The following GET4 variants were observed in gnomAD, a reference collection of about 807,000 sequenced individuals.
GET4 encodes Golgi to ER traffic protein 4 homolog.
A neutral mutation model predicts 40.0 loss-of-function variants in GET4; 20 were observed. The ratio of observed to expected loss-of-function variants is 0.50; its 90% CI spans 0.35 to 0.73. GET4 has a LOEUF of 0.73. Among genes scored for constraint, GET4 ranks in the 30% least tolerant of loss-of-function variants. The pLI is 0.01. For missense variants in GET4, 557 were observed against 454.0 expected, an observed-to-expected ratio of 1.23 and a Z score of -2.06; for synonymous variants, 280 against 194.6, an observed-to-expected ratio of 1.44 and a Z score of -3.65.
In GET4 at chr7:895,410, C is replaced by T. The variant is rs149356228; in HGVS notation, c.972C>T (p.Ile324=). ...AGAGCCCCAGCGACGGCAGCCCCAT[C>T]GAGCTGGACTGAACTGGCCAGGCCA... ...GEESPSDGSP[I]ELD Residue 324 remains isoleucine (I), a synonymous_variant, in exon 9 of 9, where the codon ATC becomes ATT. Coordinates refer to ENST00000265857, the MANE Select transcript of GET4 (RefSeq NM_015949.3). 2.7e-5 allele frequency: 43 copies of T among 1,573,038 alleles called. No homozygotes were observed. The highest frequency in any genetic ancestry group is 9.4e-5 in the African/African-American group (7 of 74,114).
rs774991015 is a variant in GET4, at chr7:893,940, C to G, written c.864C>G (p.Pro288=). ...GACAGCTGTTCTTCGGCGTCCCGCC[C>G]AAGCAGACGTCTTCCTACGGGGGCC... ...RIGQLFFGVP[P]KQTSSYGGLL... Residue 288 remains proline, a synonymous_variant, in exon 8 of 9, where the codon CCC becomes CCG. Coordinates refer to ENST00000265857, the MANE Select transcript of GET4 (RefSeq NM_015949.3). 32 of 1,606,964 alleles carry G rather than the reference C, an allele frequency of 2.0e-5. No homozygotes were observed. The South Asian group carries it at 2.6e-4, about 13-fold the overall frequency.
intron 8 of GET4, 110 bp downstream of exon 8, chr7:894,081 AT>A: frequency 1.6e-6 from 1 of 617,342 alleles, no homozygotes; most frequent in Non-Finnish European, 2.8e-6. Context: ...TGGTTTTCTG[AT>A]CTTTTAAATG....
chr7:892,093 C>G (rs913984407), intron 5 of GET4, among the ~76,000 whole-genome samples, 185 bp from the exon 6 acceptor site: 1 of 152,284 alleles, frequency 6.6e-6, no homozygotes, highest in Non-Finnish European at 1.5e-5. Flanking sequence ...CTGTGAATTG[C>G]AGGCTTCCCT....
At chr7:891,136 C>T (rs920686579) in intron 5 of GET4, 70 bp downstream of exon 5, 82 of 1,248,836 alleles carry the variant, frequency 6.6e-5, no homozygotes, top group Non-Finnish European at 7.8e-5. Context: ...AGAACAGGTC[C>T]CCTTGTCCCC....
chr7:876,840 C>T, intron 1 of GET4, 40 bp downstream of exon 1: 1 of 1,074,602 alleles, frequency 9.3e-7, no homozygotes, highest in South Asian at 4.4e-5. Flanking sequence ...AGCGCCCGCC[C>T]CCGCCGCCTC....
intron 1 of GET4, chr7:881,583 T>G (rs1844088151): frequency 6.6e-6 from 1 of 152,250 alleles, no homozygotes; most frequent in Non-Finnish European, 1.5e-5. Flanking sequence ...TCGGGTAAAT[T>G]TACCAAAAGA....
Position 891,741 on chromosome 7 carries a change from G to A in GET4, c.606-537G>A, listed in dbSNP as rs970919953. ...CTCTGACCTCAGCGTTGCCCGCTGCGGAGCTTTGCCAGGAGCTGGCGTCCG... is the reference window on the plus strand; with the variant it reads ...CTCTGACCTCAGCGTTGCCCGCTGCAGAGCTTTGCCAGGAGCTGGCGTCCG... On this transcript the variant is annotated intron_variant, in intron 5 of 8. Coordinates refer to ENST00000265857, the MANE Select transcript of GET4 (RefSeq NM_015949.3). Among the ~76,000 whole-genome samples, 17 of 152,268 alleles carry A rather than the reference G, an allele frequency of 1.1e-4. No individual in the cohort carries two copies. In the South Asian group the frequency reaches 1.2e-3, roughly 11 times the overall value.
intron 1 of GET4, chr7:883,936 T>C: frequency 9.4e-7 from 1 of 1,064,624 alleles, no homozygotes; most frequent in Non-Finnish European, 1.1e-6. Flanking sequence ...CTCCCGTCCT[T>C]TTTCCCCTTG....
intron 4 of GET4, 58 bp from the exon 5 acceptor site, chr7:890,870 T>C: frequency 7.4e-7 from 1 of 1,358,488 alleles, no homozygotes; most frequent in Non-Finnish European, 1.1e-6. Flanking sequence ...TTTCCCCCTT[T>C]CCTTTTCTGT....
rs781239902 is a variant in GET4 at position 896,011 on chromosome 7, G to C, written c.*589G>C. 2 of 152,234 alleles carry C rather than the reference G, an allele frequency of 1.3e-5. No individual in the cohort carries two copies. The highest frequency in any genetic ancestry group is 4.8e-5 in the African/African-American group (2 of 41,464). The allele number at this position is 152,234 out of a possible 1,614,324, so 9.4% of individuals were successfully genotyped here. ...ACGCGTGCGGCGGGACGGTGCCTAC[G>C]GGTACTTGCAGCTGTGTCCCATGTG... is the stretch of plus-strand genomic sequence containing the variant. On this transcript the variant is annotated 3_prime_UTR_variant, in exon 9 of 9. Transcript: ENST00000265857.
In GET4 at chr7:895,826, T is replaced by G. The variant is rs1190950760; in HGVS notation, c.*404T>G. 1 of 155,788 alleles carries G rather than the reference T, an allele frequency of 6.4e-6. No individual in the cohort carries two copies. The highest frequency in any genetic ancestry group is 1.4e-5 in the Non-Finnish European group (1 of 70,458). The allele number at this position is 155,788 out of a possible 1,614,324, so 9.7% of individuals were successfully genotyped here. A position where few individuals can be genotyped will look rare whatever the true frequency, so the allele number is the denominator to read the frequency against. ...GCACAGCTGCGGTCACCAAAGCAGG[T>G]GCTGGCCCTCGGACCTGAGAGCCCA... On this transcript the variant is annotated 3_prime_UTR_variant, in exon 9 of 9. Coordinates refer to ENST00000265857, the MANE Select transcript of GET4 (RefSeq NM_015949.3).
At position 892,315 on chromosome 7, in the gene GET4, G is replaced by C. The variant is rs953644594; in HGVS notation, c.643G>C (p.Val215Leu). The change falls in exon 6 of 9, where the codon GTC (valine) becomes CTC (leucine). Residue 215 changes from valine to leucine, a missense_variant. Coordinates refer to ENST00000265857, the MANE Select transcript of GET4 (RefSeq NM_015949.3). ...CLKNKSSASVVFTTYTQKHPS... is the reference protein window; with the variant it reads ...CLKNKSSASVLFTTYTQKHPS... Reference sequence around the variant, plus strand: ...AAAAAACAAAAGTAGCGCATCGGTGGTCTTCACGACGTACACCCAGAAGCA... The same window carrying C: ...AAAAAACAAAAGTAGCGCATCGGTGCTCTTCACGACGTACACCCAGAAGCA... The C allele has an allele frequency of 4.4e-6, 7 of 1,592,826 alleles. No homozygotes were observed. The highest frequency in any genetic ancestry group is 5.2e-6 in the Non-Finnish European group (6 of 1,162,142).
intron 1 of GET4, chr7:885,760 C>G (rs1210962236): frequency 2.5e-6 from 1 of 397,566 alleles, no homozygotes; most frequent in Non-Finnish European, 4.6e-6. Flanking sequence ...AGTGGCCTTT[C>G]TGGTCCCAGC....
chr7:894,051 T>C, intron 8 of GET4, 80 bp downstream of exon 8: 2 of 833,370 alleles, frequency 2.4e-6, no homozygotes, highest in South Asian at 1.9e-5. Flanking sequence ...GCAGGTCCAG[T>C]GCGGTCCTTC....
intron 1 of GET4, chr7:878,035 C>T (rs574726694): frequency 7.7e-6 from 2 of 258,234 alleles, no homozygotes; most frequent in South Asian, 7.5e-5. Context: ...CGCTGGCGTT[C>T]CTCTCACCGA....
chr7:882,651 G>A lies in GET4; in HGVS notation c.156-3405G>A, dbSNP rs1011213782. 9 of 149,342 alleles carry A rather than the reference G, an allele frequency of 6.0e-5. No homozygotes were observed. In the East Asian group the frequency reaches 1.2e-3, roughly 20 times the overall value. 9.3% of individuals were successfully genotyped at this position (149,342 alleles called of 1,614,324 possible). On this transcript the variant is annotated intron_variant, in intron 1 of 8. Transcript: ENST00000265857. ...GGTTGTGGGCGGCCGACCTTGCCCCGGGGATGGCGCGGGTTGTGGGCGGCC... is the reference window on the plus strand; with the variant it reads ...GGTTGTGGGCGGCCGACCTTGCCCCAGGGATGGCGCGGGTTGTGGGCGGCC...
At chr7:881,704 G>A (rs1344158357) in intron 1 of GET4, 1 of 152,182 alleles carries the variant, frequency 6.6e-6, no homozygotes, top group Non-Finnish European at 1.5e-5. Flanking sequence ...TTTAGCCTCA[G>A]GTCTGTGTGC....
At chr7:878,480 G>A (rs1357208204) in intron 1 of GET4, among the ~76,000 whole-genome samples, 1 of 152,130 alleles carries the variant, frequency 6.6e-6, no homozygotes, top group African/African-American at 2.4e-5. Flanking sequence ...ACTGCCACAG[G>A]GCCGTGAATG....
intron 6 of GET4, 54 bp from the exon 7 acceptor site, chr7:893,686 T>C: frequency 8.3e-7 from 1 of 1,198,464 alleles, no homozygotes; most frequent in African/African-American, 1.5e-5. Context: ...TTTGTGCAGG[T>C]GAGTGTGGTC....
Sources: allele counts gnomAD v4.1 joint callset (sites outside exome capture counted in the v4.1 genomes callset), GRCh38; gene constraint gnomAD v4.1.1; transcripts MANE v1.5; gene names NCBI Gene and HGNC (gene_info 2026-07-23, HGNC 2026-07-21).